Variants in EYA1 observed in about 807,000 individuals in gnomAD.
EYA1 encodes protein phosphatase EYA1.
A neutral mutation model predicts 82.0 loss-of-function variants in EYA1; 16 were observed. The observed-to-expected ratio is 0.20, with a 90% confidence interval of 0.13 to 0.30. The LOEUF (loss-of-function observed/expected upper bound fraction) is 0.30. Ranked by LOEUF, EYA1 falls within the 10% of genes least tolerant of loss-of-function variation. EYA1 has a pLI of 1.00. For missense variants in EYA1, 633 were observed against 730.7 expected (o/e 0.87, Z 1.54); for synonymous variants, 261 against 264.4 (o/e 0.99, Z 0.12).
At chr8:71,385,417 G>A (rs983789738) in intron 2 of EYA1, among the ~76,000 whole-genome samples, 1 of 152,030 alleles carries the variant, frequency 6.6e-6, no homozygotes, top group African/African-American at 2.4e-5. Flanking sequence ...GGAAAGAAAT[G>A]TAGGTACAAA....
intron 2 of EYA1, among the ~76,000 whole-genome samples, chr8:71,505,452 A>T (rs1812130260): frequency 6.6e-6 from 1 of 152,154 alleles, no homozygotes; most frequent in African/African-American, 2.4e-5. Context: ...CTTTTGTGAA[A>T]TCTCTTCTTC....
At chr8:71,468,923 C>T (rs1808973288) in intron 2 of EYA1, among the ~76,000 whole-genome samples, 1 of 152,002 alleles carries the variant, frequency 6.6e-6, no homozygotes, top group Non-Finnish European at 1.5e-5. Context: ...TTATTTTTCT[C>T]CAAATATTCA....
intron 6 of EYA1, among the ~76,000 whole-genome samples, chr8:71,319,323 CGTTTCACCGT>C (rs1228104465): frequency 1.3e-5 from 2 of 151,672 alleles, no homozygotes; most frequent in African/African-American, 4.8e-5. Context: ...GTAGAGACGG[CGTTTCACCGT>C]GTTAGCCAGG....
chr8:71,243,465 A>C (rs1282149440), intron 12 of EYA1, among the ~76,000 whole-genome samples: 1 of 152,244 alleles, frequency 6.6e-6, no homozygotes, highest in African/African-American at 2.4e-5. Context: ...AAAACACTTT[A>C]AATTGCAAAA....
intron 2 of EYA1, among the ~76,000 whole-genome samples, chr8:71,493,668 A>G (rs1383828246): frequency 6.6e-6 from 1 of 151,848 alleles, no homozygotes; most frequent in Admixed American, 6.6e-5. Context: ...TAATTTCATT[A>G]TATATTATAT....
chr8:71,400,451 A>G (rs78475234), intron 2 of EYA1, among the ~76,000 whole-genome samples: 36 of 151,746 alleles, frequency 2.4e-4, no homozygotes, highest in African/African-American at 8.2e-4. Context: ...AATTTACAAG[A>G]AAAAAAAACA....
At chr8:71,464,091 C>T (rs1808607458) in intron 2 of EYA1, among the ~76,000 whole-genome samples, 1 of 152,130 alleles carries the variant, frequency 6.6e-6, no homozygotes, top group African/African-American at 2.4e-5. Flanking sequence ...ACTACCACAT[C>T]TAAATAATCT....
intron 4 of EYA1, among the ~76,000 whole-genome samples, chr8:71,324,744 C>A (rs115344547): frequency 2.6e-5 from 4 of 152,172 alleles, no homozygotes; most frequent in Admixed American, 2.6e-4. Context: ...CGACCCCCTG[C>A]GTGGAAATTA....
intron 2 of EYA1, among the ~76,000 whole-genome samples, chr8:71,422,087 C>T (rs575515751): frequency 2.3e-4 from 35 of 152,094 alleles, no homozygotes; most frequent in Non-Finnish European, 4.3e-4. Context: ...TTTCACTTAA[C>T]GTAAAGATGA....
chr8:71,365,005 C>T (rs943295847), upstream of EYA1, among the ~76,000 whole-genome samples: 3 of 138,898 alleles, frequency 2.2e-5, no homozygotes, highest in Admixed American at 7.2e-5. Flanking sequence ...CACACACACA[C>T]GGTATTTACA....
upstream of EYA1, among the ~76,000 whole-genome samples, chr8:71,366,843 T>C (rs1489775147): frequency 1.3e-5 from 2 of 152,180 alleles, no homozygotes; most frequent in African/African-American, 2.4e-5. Flanking sequence ...GTCTCCTCAT[T>C]GTATCATCAT....
At chr8:71,412,698 GA>G (rs1830671929) in intron 2 of EYA1, among the ~76,000 whole-genome samples, 1 of 152,152 alleles carries the variant, frequency 6.6e-6, no homozygotes, top group African/African-American at 2.4e-5. Flanking sequence ...AGAGTTAAAA[GA>G]AAAAGAACTG....
intron 9 of EYA1, among the ~76,000 whole-genome samples, chr8:71,288,446 T>C (rs1014765109): frequency 2.0e-5 from 3 of 152,192 alleles, no homozygotes; most frequent in Non-Finnish European, 2.9e-5. Context: ...ATGTCACCAA[T>C]GGCAGGCTGT....
chr8:71,270,247 T>G (rs965174752), intron 10 of EYA1: 1 of 164,404 alleles, frequency 6.1e-6, no homozygotes, highest in Admixed American at 6.1e-5. Context: ...ATGAATCTTA[T>G]GTTTTACTCT....
intron 1 of EYA1, among the ~76,000 whole-genome samples, chr8:71,358,727 C>T (rs1263992422): frequency 6.6e-6 from 1 of 152,114 alleles, no homozygotes; most frequent in Non-Finnish European, 1.5e-5. Flanking sequence ...AATGACTTAT[C>T]TAAAAAGAAC....
At chr8:71,384,790 G>T (rs964025359) in intron 2 of EYA1, among the ~76,000 whole-genome samples, 1 of 152,062 alleles carries the variant, frequency 6.6e-6, no homozygotes, top group Non-Finnish European at 1.5e-5. Flanking sequence ...TAGGAAAATC[G>T]TTACATTCAC....
chr8:71,201,742 T>C (rs1807050790), intron 17 of EYA1, among the ~76,000 whole-genome samples: 1 of 152,216 alleles, frequency 6.6e-6, no homozygotes, highest in Non-Finnish European at 1.5e-5. Flanking sequence ...AAATTCATTT[T>C]ACATTTTAGA....
At chr8:71,527,518 G>A (rs1347915217) in intron 2 of EYA1, among the ~76,000 whole-genome samples, 1 of 152,194 alleles carries the variant, frequency 6.6e-6, no homozygotes, top group Non-Finnish European at 1.5e-5. Context: ...GAGAAATCTT[G>A]AAAGGAGAGA....
At chr8:71,535,838 C>A (rs1475576579) in exon 2 of EYA1, 1 of 1,045,248 alleles carries the variant, frequency 9.6e-7, no homozygotes, top group Non-Finnish European at 1.3e-6. Flanking sequence ...AGGGTTCCAA[C>A]ACCCCTGCAC....
Sources: gnomAD v4.1 joint callset for allele counts (sites outside exome capture counted in the v4.1 genomes callset) on GRCh38, gnomAD v4.1.1 for gene constraint, MANE v1.5 for transcripts, NCBI Gene and HGNC (gene_info 2026-07-23, HGNC 2026-07-21) for gene names.